The following RIC8B variants were observed in gnomAD, a reference collection of about 807,000 sequenced individuals.
RIC8B encodes RIC8 guanine nucleotide exchange factor B, also known as chaperone Ric-8B.
In RIC8B, 16 loss-of-function variants were observed where a neutral mutation model predicts 57.5. The ratio of observed to expected loss-of-function variants is 0.28; its 90% CI spans 0.19 to 0.42. The LOEUF is 0.42. RIC8B is among the 10% of genes least tolerant of loss of function. The probability of loss-of-function intolerance (pLI) is 1.00; values close to 1 mark genes in which losing one functional copy is unlikely to be tolerated. For missense variants in RIC8B, 481 were observed against 677.0 expected (o/e 0.71, Z 3.21); for synonymous variants, 216 against 250.8 (o/e 0.86, Z 1.31).
intron 9 of RIC8B, among the ~76,000 whole-genome samples, chr12:106,882,937 C>A (rs1430157874): frequency 1.3e-5 from 2 of 152,020 alleles, no homozygotes; most frequent in African/African-American, 4.8e-5. Flanking sequence ...ATAATTTGGC[C>A]ATAAAACTAA....
chr12:106,874,941 C>CTAG (rs1395222621), intron 9 of RIC8B, among the ~76,000 whole-genome samples: 1 of 152,114 alleles, frequency 6.6e-6, no homozygotes, highest in Non-Finnish European at 1.5e-5. Flanking sequence ...CCCATCATGT[C>CTAG]TAGCTAGTAC....
rs542939754 is a variant in RIC8B, at chr12:106,885,269, T to C, written c.1572-635T>C. On this transcript the variant is annotated intron_variant, in intron 9 of 9. Coordinates refer to ENST00000392837, the MANE Select transcript of RIC8B (RefSeq NM_001330145.2). ...GAGATTAAAATGGCTGTCAATCCCA[T>C]AATTAAACTGCCACAAACAAAAGCA... 8.5e-4 allele frequency among the ~76,000 whole-genome samples: 129 copies of C among 152,018 alleles called. No individual in the cohort carries two copies. In the South Asian group the frequency reaches 0.026, roughly 31 times the overall value.
chr12:106,785,429 T>A (rs938446879), intron 2 of RIC8B, among the ~76,000 whole-genome samples: 3 of 152,228 alleles, frequency 2.0e-5, no homozygotes, highest in Non-Finnish European at 4.4e-5. Flanking sequence ...CATAATACTC[T>A]ATATAAATCT....
chr12:106,851,693 C>A (rs1047570642), intron 7 of RIC8B, 99 bp downstream of exon 7: 49 of 1,034,356 alleles, frequency 4.7e-5, no homozygotes, highest in East Asian at 5.2e-5. Context: ...TCCATTCTTT[C>A]CAAAGCTTAC....
Position 106,795,248 on chromosome 12 carries a change from G to A in RIC8B, c.132+11204G>A, listed in dbSNP as rs147590116. On this transcript the variant is annotated intron_variant, in intron 2 of 9. Transcript: ENST00000392837. ...TATAACAATAATACTATAGAAAAAG[G>A]GGGAAGGGAATAGTGAAGTAGCTAC... Among the ~76,000 whole-genome samples the A allele has an allele frequency of 7.3e-3, 1,108 of 152,272 alleles. 6 individuals carry two copies. The highest frequency in any genetic ancestry group is 0.027 in the Middle Eastern group (8 of 294).
rs1949059605 is a variant in RIC8B at position 106,843,720 on chromosome 12, T to TC, written c.1066-129dup. The TC allele has an allele frequency of 7.9e-6, 4 of 504,186 alleles. No individual in the cohort carries two copies. In the African/African-American group the frequency reaches 1.4e-4, roughly 17 times the overall value. The allele number at this position is 504,186 out of a possible 1,614,324, so 31.2% of individuals were successfully genotyped here. ...CTGGGCAACAGAGGGAGACTCCCTC[T>TC]CCCAAAAAAAAAAAAAAAAAAAAAG... On this transcript the variant is annotated intron_variant, in intron 5 of 9. Transcript: ENST00000392837.
At chr12:106,813,187 CTTTTTTTTTTTTTT>C (rs35584850) in intron 2 of RIC8B, among the ~76,000 whole-genome samples, 2 of 98,680 alleles carry the variant, frequency 2.0e-5, no homozygotes, top group South Asian at 3.9e-4. Flanking sequence ...AATACTATGC[CTTTTTTTTTTTTTT>C]TTTTTTTTGA....
intron 9 of RIC8B, among the ~76,000 whole-genome samples, chr12:106,883,371 C>T (rs991364094): frequency 1.3e-5 from 2 of 152,108 alleles, no homozygotes; most frequent in South Asian, 2.1e-4. Context: ...ATGTAATTTA[C>T]GTCAGTGCTA....
intron 1 of RIC8B, 192 bp downstream of exon 1, chr12:106,775,021 C>A (rs2043387495): frequency 1.7e-6 from 1 of 575,958 alleles, no homozygotes; most frequent in Non-Finnish European, 3.2e-6. Context: ...CCACTACCCC[C>A]ACTGTAGCGC....
rs1401581350 is a variant in RIC8B, at chr12:106,860,321, G to T, written c.1360G>T (p.Ala454Ser). The change falls in exon 8 of 10, where the codon GCC (alanine) becomes TCC (serine). Residue 454 changes from alanine (A) to serine (S), a missense_variant. Physicochemically the swap from Ala to Ser is moderately conservative, Grantham distance 99. Coordinates refer to ENST00000392837, the MANE Select transcript of RIC8B (RefSeq NM_001330145.2). Reference protein sequence around the residue: ...GYGNAAGLLAARGLLAGGRGD... With the variant: ...GYGNAAGLLASRGLLAGGRGD... ...TGGGAATGCTGCAGGACTGTTGGCGGCCAGGGGCCTCTTGGCTGGAGGAAG... is the reference window on the plus strand; with the variant it reads ...TGGGAATGCTGCAGGACTGTTGGCGTCCAGGGGCCTCTTGGCTGGAGGAAG... 6.2e-7 allele frequency: 1 copy of T among 1,608,752 alleles called. No individual in the cohort carries two copies. The highest frequency in any genetic ancestry group is 8.5e-7 in the Non-Finnish European group (1 of 1,177,346).
At chr12:106,858,741 A>T (rs987495521) in intron 7 of RIC8B, among the ~76,000 whole-genome samples, 2 of 152,084 alleles carry the variant, frequency 1.3e-5, no homozygotes, top group Non-Finnish European at 2.9e-5. Flanking sequence ...TCATTAGCCC[A>T]TGTTTCCTTT....
rs375262676 is a variant in RIC8B at position 106,791,347 on chromosome 12, G to A, written c.132+7303G>A. On this transcript the variant is annotated intron_variant, in intron 2 of 9. Transcript: ENST00000392837. The stretch of plus-strand genomic sequence containing the variant: ...ATAGATTATAATGATATAAGCATAG[G>A]TTCATTATATAATTATAACGTTACA... 7.2e-5 allele frequency among the ~76,000 whole-genome samples: 11 copies of A among 152,148 alleles called. 1 individual carries two copies. In the South Asian group the frequency reaches 2.3e-3, roughly 32 times the overall value.
At chr12:106,881,039 A>C (rs1262373366) in intron 9 of RIC8B, among the ~76,000 whole-genome samples, 2 of 152,218 alleles carry the variant, frequency 1.3e-5, no homozygotes, top group African/African-American at 4.8e-5. Context: ...AGTACAACTA[A>C]ATTTAATTCA....
At chr12:106,781,754 A>G (rs1181127502) in intron 1 of RIC8B, among the ~76,000 whole-genome samples, 1 of 152,204 alleles carries the variant, frequency 6.6e-6, no homozygotes, top group African/African-American at 2.4e-5. Context: ...AAAGTTTAGA[A>G]GAAACGTTAT....
At chr12:106,877,659 A>C (rs1566179706) in intron 9 of RIC8B, among the ~76,000 whole-genome samples, 1 of 152,212 alleles carries the variant, frequency 6.6e-6, no homozygotes, top group Non-Finnish European at 1.5e-5. Context: ...TCTTCTGACA[A>C]ATTTTCATAC....
chr12:106,863,064 C>T (rs1950003744), intron 8 of RIC8B, among the ~76,000 whole-genome samples: 2 of 152,104 alleles, frequency 1.3e-5, no homozygotes, highest in Non-Finnish European at 2.9e-5. Flanking sequence ...TCTTTAATGC[C>T]TCTGAGAATG....
At chr12:106,837,306 G>A (rs185110237) in intron 4 of RIC8B, among the ~76,000 whole-genome samples, 5 of 151,990 alleles carry the variant, frequency 3.3e-5, no homozygotes, top group South Asian at 2.1e-4. Context: ...AGGTTGCAGC[G>A]AGCCAAGATG....
chr12:106,802,680 T>C (rs1466249198), intron 2 of RIC8B, among the ~76,000 whole-genome samples: 1 of 151,882 alleles, frequency 6.6e-6, no homozygotes, highest in Non-Finnish European at 1.5e-5. Flanking sequence ...TTAAGAACAC[T>C]CATTTTTGTT....
rs575679202 is a variant in RIC8B at position 106,884,124 on chromosome 12, C to T, written c.1572-1780C>T. On this transcript the variant is annotated intron_variant, in intron 9 of 9. Coordinates refer to ENST00000392837, the MANE Select transcript of RIC8B (RefSeq NM_001330145.2). Reference sequence around the variant, plus strand: ...TGCAGGGCCACTCACTGACACCTCACTTGACAGTGCCCTCCCCAGGCAGCC... The same window carrying T: ...TGCAGGGCCACTCACTGACACCTCATTTGACAGTGCCCTCCCCAGGCAGCC... 2.0e-5 allele frequency among the ~76,000 whole-genome samples: 3 copies of T among 152,374 alleles called. No individual in the cohort carries two copies. In the East Asian group the frequency reaches 5.8e-4, roughly 29 times the overall value.
Sources: allele counts gnomAD v4.1 joint callset (sites outside exome capture counted in the v4.1 genomes callset), GRCh38; gene constraint gnomAD v4.1.1; transcripts MANE v1.5; gene names NCBI Gene and HGNC (gene_info 2026-07-23, HGNC 2026-07-21).